Variants in ASAP1 observed in about 807,000 individuals in gnomAD.
ASAP1 encodes arf-GAP with SH3 domain, ANK repeat and PH domain-containing protein 1.
In ASAP1, 43 loss-of-function variants were observed where a neutral mutation model predicts 145.2. That is an observed-to-expected ratio of 0.30 (90% confidence interval 0.23 to 0.38). The LOEUF (loss-of-function observed/expected upper bound fraction) is 0.38. ASAP1 is among the 10% of genes least tolerant of loss of function. ASAP1 has a pLI of 1.00. For synonymous variants in ASAP1, 546 were observed against 515.5 expected, an observed-to-expected ratio of 1.06 and a Z score of -0.80; for missense variants, 1,018 against 1,355.3, an observed-to-expected ratio of 0.75 and a Z score of 3.91.
chr8:130,404,150 T>C (rs1828924528), intron 1 of ASAP1, among the ~76,000 whole-genome samples: 1 of 152,246 alleles, frequency 6.6e-6, no homozygotes, highest in South Asian at 2.1e-4. Flanking sequence ...TATTGGTGTA[T>C]GTTGCAGCAC....
At chr8:130,151,431 A>T (rs1180063345) in intron 13 of ASAP1, among the ~76,000 whole-genome samples, 1 of 147,576 alleles carries the variant, frequency 6.8e-6, no homozygotes, top group Non-Finnish European at 1.5e-5. Flanking sequence ...AGAAATGAAT[A>T]ACTGTTAGAC....
At chr8:130,289,580 A>G (rs1461100186) in intron 3 of ASAP1, among the ~76,000 whole-genome samples, 1 of 152,240 alleles carries the variant, frequency 6.6e-6, no homozygotes, top group Non-Finnish European at 1.5e-5. Flanking sequence ...GGAAGGCTTC[A>G]TACTTTAAAA....
rs151088808 is a variant in ASAP1 at position 130,118,183 on chromosome 8, C to T, written c.1858G>A (p.Val620Ile). 9.2e-5 allele frequency: 148 copies of T among 1,613,668 alleles called. 1 individual carries two copies. The highest frequency in any genetic ancestry group is 2.2e-5 in the Non-Finnish European group (26 of 1,179,796). Reference sequence around the variant, plus strand: ...TACCAGTTTTGTACAAGGAAGTCAACCAAATGGAGAGATGTCTGATCTGCA... The same window carrying T: ...TACCAGTTTTGTACAAGGAAGTCAATCAAATGGAGAGATGTCTGATCTGCA... ...RTADQTSLHL[V>I]DFLVQNCGNL... Residue 620 changes from valine (V) to isoleucine (I), a missense_variant, in exon 20 of 30, where the codon GTT becomes ATT. This residue lies in a region of ASAP1 where 353 missense variants were observed against 375.4 expected (regional missense o/e 0.94). Coordinates refer to ENST00000518721, the MANE Select transcript of ASAP1 (RefSeq NM_018482.4).
At chr8:130,072,848 G>C (rs1360066168) in intron 27 of ASAP1, among the ~76,000 whole-genome samples, 1 of 40,576 alleles carries the variant, frequency 2.5e-5, no homozygotes, top group Admixed American at 3.1e-4. Flanking sequence ...GGCAGTTTTG[G>C]GGACTGAGCT....
chr8:130,211,803 CAA>C (rs1172001624), intron 5 of ASAP1, among the ~76,000 whole-genome samples: 1 of 152,204 alleles, frequency 6.6e-6, no homozygotes, highest in Admixed American at 6.5e-5. Flanking sequence ...ATACAATTTA[CAA>C]AGTCTATAAA....
chr8:130,268,839 T>G (rs542089227), intron 3 of ASAP1, among the ~76,000 whole-genome samples: 35 of 152,300 alleles, frequency 2.3e-4, no homozygotes, highest in African/African-American at 8.2e-4. Flanking sequence ...TACTGTTTGT[T>G]AAACGAAATT....
intron 1 of ASAP1, among the ~76,000 whole-genome samples, chr8:130,435,603 C>A (rs1352786110): frequency 1.3e-5 from 2 of 152,124 alleles, no homozygotes; most frequent in African/African-American, 4.8e-5. Flanking sequence ...TTTTCCTGGT[C>A]TGAAAAAGAA....
chr8:130,432,183 G>C lies in ASAP1; in HGVS notation c.-28+11277C>G, dbSNP rs985572472. On this transcript the variant is annotated intron_variant, in intron 1 of 29. Coordinates refer to ENST00000518721, the MANE Select transcript of ASAP1 (RefSeq NM_018482.4). ...AGGGGAGGAGGGGAAAGGGGGAGAA[G>C]GGAGAGAGGGAGGAAGGGAGGTTGA... Among the ~76,000 whole-genome samples, 24 of 150,856 alleles carry C rather than the reference G, an allele frequency of 1.6e-4. 1 individual carries two copies. The highest frequency in any genetic ancestry group is 1.6e-3 in the Admixed American group (24 of 15,134).
chr8:130,375,694 C>T (rs1194848166), intron 2 of ASAP1, among the ~76,000 whole-genome samples: 1 of 152,238 alleles, frequency 6.6e-6, no homozygotes, highest in African/African-American at 2.4e-5. Context: ...CACCTGCCTT[C>T]ACTCAACCTC....
chr8:130,165,728 T>G (rs952608487), intron 11 of ASAP1, among the ~76,000 whole-genome samples: 1 of 152,168 alleles, frequency 6.6e-6, no homozygotes, highest in Non-Finnish European at 1.5e-5. Flanking sequence ...GCTATAGACT[T>G]CTCTCACTTG....
chr8:130,242,924 A>G (rs1251559065), intron 3 of ASAP1, among the ~76,000 whole-genome samples: 1 of 152,166 alleles, frequency 6.6e-6, no homozygotes, highest in African/African-American at 2.4e-5. Context: ...TTGCATGTGC[A>G]TAGATTTTGG....
intron 2 of ASAP1, among the ~76,000 whole-genome samples, chr8:130,379,064 A>C (rs1361333676): frequency 6.6e-6 from 1 of 152,202 alleles, no homozygotes; most frequent in African/African-American, 2.4e-5. Flanking sequence ...GGGAAGAAGA[A>C]GGACTAAAGA....
At position 130,396,801 on chromosome 8, in the gene ASAP1, G is replaced by A. The variant is rs375158404; in HGVS notation, c.59+5084C>T. Among the ~76,000 whole-genome samples, 30 of 152,304 alleles carry A rather than the reference G, an allele frequency of 2.0e-4. No individual in the cohort carries two copies. In the East Asian group the frequency reaches 4.1e-3, roughly 21 times the overall value. On this transcript the variant is annotated intron_variant, in intron 2 of 29. Coordinates refer to ENST00000518721, the MANE Select transcript of ASAP1 (RefSeq NM_018482.4). Reference sequence around the variant, plus strand: ...GCCTGTGGCATGATAATGACAGGGCGTCTGCTTGACATTTGGAAAGGCAAA... The same window carrying A: ...GCCTGTGGCATGATAATGACAGGGCATCTGCTTGACATTTGGAAAGGCAAA...
intron 3 of ASAP1, among the ~76,000 whole-genome samples, chr8:130,245,254 G>A (rs370516214): frequency 4.3e-4 from 65 of 152,218 alleles, no homozygotes; most frequent in African/African-American, 1.4e-3. Flanking sequence ...GCAAATAAAG[G>A]TTTTAAGATG....
intron 19 of ASAP1, 115 bp downstream of exon 19, chr8:130,118,374 G>C (rs2097559844): frequency 3.7e-6 from 5 of 1,350,482 alleles, no homozygotes; most frequent in Non-Finnish European, 5.1e-6. Context: ...TCTTGATTTA[G>C]ACATGGCCAC....
intron 15 of ASAP1, 37 bp from the exon 16 acceptor site, chr8:130,128,127 A>AT (rs778338917): frequency 9.0e-7 from 1 of 1,110,084 alleles, no homozygotes; most frequent in Admixed American, 3.3e-5. Flanking sequence ...AAGTCTTTAT[A>AT]AGAGCATGGT....
intron 5 of ASAP1, among the ~76,000 whole-genome samples, chr8:130,207,288 G>A (rs1816288903): frequency 6.6e-6 from 1 of 152,134 alleles, no homozygotes; most frequent in Non-Finnish European, 1.5e-5. Flanking sequence ...TTAATGAGAG[G>A]AAGGATAAGT....
chr8:130,346,332 C>T (rs1028634746), intron 3 of ASAP1, among the ~76,000 whole-genome samples: 12 of 152,170 alleles, frequency 7.9e-5, no homozygotes, highest in Non-Finnish European at 1.5e-4. Flanking sequence ...CATGGCCATC[C>T]GGTTGGTATT....
chr8:130,185,282 C>T (rs1339963442), intron 7 of ASAP1, among the ~76,000 whole-genome samples: 2 of 152,198 alleles, frequency 1.3e-5, no homozygotes, highest in African/African-American at 4.8e-5. Flanking sequence ...CTTGCTATTC[C>T]TGTTATACAT....
Sources: allele counts gnomAD v4.1 joint callset (sites outside exome capture counted in the v4.1 genomes callset), GRCh38; gene constraint gnomAD v4.1.1; regional missense constraint gnomAD v4.1.1; transcripts MANE v1.5; gene names NCBI Gene and HGNC (gene_info 2026-07-23, HGNC 2026-07-21).